Variants in NLGN1 observed in about 807,000 individuals in gnomAD.
NLGN1 encodes neuroligin-1.
NLGN1 carries 12 observed loss-of-function variants against 65.5 expected under a neutral mutation model. That is an observed-to-expected ratio of 0.18 (90% CI 0.12 to 0.30). The LOEUF (loss-of-function observed/expected upper bound fraction) is 0.30. Among genes scored for constraint, NLGN1 ranks in the 10% least tolerant of loss-of-function variants. The pLI is 1.00. For synonymous variants in NLGN1, 350 were observed against 359.5 expected (o/e 0.97, Z 0.30); for missense variants, 750 against 1,007.1 (o/e 0.74, Z 3.46).
intron 2 of NLGN1, among the ~76,000 whole-genome samples, chr3:173,489,397 C>T (rs976694153): frequency 2.6e-5 from 4 of 152,156 alleles, no homozygotes; most frequent in Non-Finnish European, 5.9e-5. Flanking sequence ...ATCTATGTCC[C>T]TACAAAGGCC....
At chr3:173,768,816 G>T (rs1779151658) in intron 3 of NLGN1, among the ~76,000 whole-genome samples, 1 of 152,108 alleles carries the variant, frequency 6.6e-6, no homozygotes, top group Non-Finnish European at 1.5e-5. Flanking sequence ...CTGTCGCCCA[G>T]GCTGGAGTGC....
intron 3 of NLGN1, among the ~76,000 whole-genome samples, chr3:173,650,138 AT>A (rs5854527): frequency 1.1e-4 from 16 of 151,680 alleles, no homozygotes; most frequent in Non-Finnish European, 1.5e-4. Flanking sequence ...TTACAGTTTG[AT>A]TTTTTTTAAC....
chr3:173,730,976 T>G (rs1772740346), intron 3 of NLGN1, among the ~76,000 whole-genome samples: 1 of 152,102 alleles, frequency 6.6e-6, no homozygotes, highest in African/African-American at 2.4e-5. Flanking sequence ...AAAGAGGCCA[T>G]GATATGTGCC....
intron 3 of NLGN1, among the ~76,000 whole-genome samples, chr3:173,730,190 GA>G (rs1177942214): frequency 6.6e-6 from 1 of 150,728 alleles, no homozygotes; most frequent in Non-Finnish European, 1.5e-5. Flanking sequence ...AATTATATTG[GA>G]AATACCAGGA....
chr3:173,642,024 C>G (rs1757499454), intron 3 of NLGN1, among the ~76,000 whole-genome samples: 1 of 119,166 alleles, frequency 8.4e-6, no homozygotes. Context: ...CTCTCTCTCT[C>G]TCTCTCTCTC....
chr3:173,461,849 A>G (rs1723452714), intron 2 of NLGN1, among the ~76,000 whole-genome samples: 1 of 152,078 alleles, frequency 6.6e-6, no homozygotes, highest in African/African-American at 2.4e-5. Context: ...TAAATGTCTT[A>G]CTACTTAGTA....
At chr3:174,133,873 T>TCCC (rs1217759248) in intron 4 of NLGN1, among the ~76,000 whole-genome samples, 1 of 128,738 alleles carries the variant, frequency 7.8e-6, no homozygotes, top group Non-Finnish European at 1.6e-5. Flanking sequence ...TCTTTATCTC[T>TCCC]CCCCCACCAC....
intron 4 of NLGN1, among the ~76,000 whole-genome samples, chr3:174,156,726 T>A (rs983808659): frequency 2.6e-5 from 4 of 151,706 alleles, no homozygotes; most frequent in African/African-American, 9.7e-5. Flanking sequence ...ATGATATTGA[T>A]AATATTAACA....
At chr3:173,571,327 AT>A (rs1225633694) in intron 2 of NLGN1, among the ~76,000 whole-genome samples, 2 of 152,198 alleles carry the variant, frequency 1.3e-5, no homozygotes, top group Non-Finnish European at 2.9e-5. Context: ...ATAGTGAGGT[AT>A]TTTTTAAATG....
chr3:174,140,296 A>T (rs1359122634), intron 4 of NLGN1, among the ~76,000 whole-genome samples: 1 of 152,134 alleles, frequency 6.6e-6, no homozygotes, highest in Non-Finnish European at 1.5e-5. Context: ...ACCTAGAGTT[A>T]GGTTTTAGTA....
At chr3:173,802,982 A>G (rs1368373555) in intron 3 of NLGN1, among the ~76,000 whole-genome samples, 3 of 151,834 alleles carry the variant, frequency 2.0e-5, no homozygotes, top group South Asian at 2.1e-4. Context: ...AGCTGGGATT[A>G]TAGGCGCCTG....
intron 4 of NLGN1, among the ~76,000 whole-genome samples, chr3:173,952,441 T>C (rs988787672): frequency 1.3e-5 from 2 of 152,190 alleles, no homozygotes; most frequent in Non-Finnish European, 2.9e-5. Flanking sequence ...GATTTTACTC[T>C]AGTGCTATCC....
At chr3:174,065,185 T>A (rs540370016) in intron 4 of NLGN1, among the ~76,000 whole-genome samples, 1 of 152,162 alleles carries the variant, frequency 6.6e-6, no homozygotes, top group South Asian at 2.1e-4. Context: ...TATGACAGCA[T>A]TTGCACAAAT....
intron 4 of NLGN1, among the ~76,000 whole-genome samples, chr3:173,824,959 A>G (rs950732753): frequency 1.8e-4 from 27 of 152,072 alleles, no homozygotes; most frequent in African/African-American, 6.5e-4. Context: ...GATTAGAAAC[A>G]TGTAGGTTCT....
chr3:173,500,329 G>A (rs543321287), intron 2 of NLGN1, among the ~76,000 whole-genome samples: 93 of 152,152 alleles, frequency 6.1e-4, no homozygotes, highest in African/African-American at 2.1e-3. Context: ...TTTGTCTTTG[G>A]TTCTGTTTAT....
At chr3:173,952,676 C>G (rs983217902) in intron 4 of NLGN1, among the ~76,000 whole-genome samples, 1 of 151,988 alleles carries the variant, frequency 6.6e-6, no homozygotes, top group African/African-American at 2.4e-5. Context: ...TACAGAGATC[C>G]CATATGTTTA....
chr3:174,175,338 C>T (rs923671111), intron 4 of NLGN1, among the ~76,000 whole-genome samples: 1 of 151,640 alleles, frequency 6.6e-6, no homozygotes, highest in African/African-American at 2.4e-5. Context: ...TATATATTTA[C>T]AATTATTATA....
At chr3:173,922,466 G>T (rs1742234369) in intron 4 of NLGN1, among the ~76,000 whole-genome samples, 1 of 151,902 alleles carries the variant, frequency 6.6e-6, no homozygotes, top group South Asian at 2.1e-4. Flanking sequence ...GAACATATTT[G>T]TTCACATTCT....
chr3:173,487,801 T>C (rs1728409651), intron 2 of NLGN1, among the ~76,000 whole-genome samples: 1 of 152,056 alleles, frequency 6.6e-6, no homozygotes, highest in Non-Finnish European at 1.5e-5. Flanking sequence ...AATTTCTCTT[T>C]CTTCATTCCT....
Sources: gnomAD v4.1 joint callset for allele counts (sites outside exome capture counted in the v4.1 genomes callset) on GRCh38, gnomAD v4.1.1 for gene constraint, MANE v1.5 for transcripts, NCBI Gene and HGNC (gene_info 2026-07-23, HGNC 2026-07-21) for gene names.